SPIDR: variants seen among roughly 807,000 people sequenced by gnomAD.
SPIDR encodes DNA repair-scaffolding protein.
SPIDR carries 93 observed loss-of-function variants against 104.6 expected under a neutral mutation model. The observed-to-expected ratio is 0.89, with a 90% CI of 0.75 to 1.06. The LOEUF is 1.06. Ranked by LOEUF, SPIDR falls within the 50% of genes least tolerant of loss-of-function variation. The pLI is 0.00. For synonymous variants in SPIDR, 431 were observed against 416.9 expected, an observed-to-expected ratio of 1.03 and a Z score of -0.41; for missense variants, 1,154 against 1,111.2, an observed-to-expected ratio of 1.04 and a Z score of -0.55.
chr8:47,527,576 A>T (rs1410399811), intron 8 of SPIDR: 1 of 152,238 alleles, frequency 6.6e-6, no homozygotes, highest in East Asian at 1.9e-4. Flanking sequence ...CACCAGAGAA[A>T]ATTTTAGCTT....
At chr8:47,443,457 G>C (rs1229860638) in intron 8 of SPIDR, among the ~76,000 whole-genome samples, 1 of 151,462 alleles carries the variant, frequency 6.6e-6, no homozygotes, top group Non-Finnish European at 1.5e-5. Context: ...TGTGGTCCCA[G>C]CTACTCGGGA....
intron 11 of SPIDR, among the ~76,000 whole-genome samples, chr8:47,686,332 A>C (rs2077821071): frequency 1.3e-5 from 2 of 152,240 alleles, no homozygotes; most frequent in South Asian, 2.1e-4. Context: ...TCAAATAAAA[A>C]ATCCAAATAT....
chr8:47,519,589 T>C (rs1019185027), intron 8 of SPIDR, among the ~76,000 whole-genome samples: 1 of 152,112 alleles, frequency 6.6e-6, no homozygotes, highest in African/African-American at 2.4e-5. Context: ...TCAGAACTAG[T>C]CTGGGCAATA....
At chr8:47,504,924 G>A (rs1181712354) in intron 8 of SPIDR, among the ~76,000 whole-genome samples, 1 of 152,210 alleles carries the variant, frequency 6.6e-6, no homozygotes, top group Non-Finnish European at 1.5e-5. Context: ...CTGGATATCA[G>A]CAGCAGACGC....
chr8:47,306,027 G>C (rs2154251222), intron 5 of SPIDR, among the ~76,000 whole-genome samples: 1 of 152,286 alleles, frequency 6.6e-6, no homozygotes, highest in East Asian at 1.9e-4. Context: ...CTTTGTGTAT[G>C]ATTTTGACTA....
rs1168001066 is a variant in SPIDR, at chr8:47,589,022, G to GTTTTT, written c.1098-6772_1098-6768dup. 7.0e-3 allele frequency among the ~76,000 whole-genome samples: 624 copies of GTTTTT among 88,640 alleles called. 1 individual carries two copies. The highest frequency in any genetic ancestry group is 9.5e-3 in the Non-Finnish European group (404 of 42,728). The allele number at this position is 88,640 out of a possible 152,430, so 58.2% of individuals were successfully genotyped here. A position where few individuals can be genotyped will look rare whatever the true frequency, so the allele number is the denominator to read the frequency against. Reference sequence around the variant, plus strand: ...ATTGAGGTATATTGGTTTATAGTTTGTTTTTTTTTTTTTTTTTTTTTGTAC... The same window carrying GTTTTT: ...ATTGAGGTATATTGGTTTATAGTTTGTTTTTTTTTTTTTTTTTTTTTTTTTTGTAC... On this transcript the variant is annotated intron_variant, in intron 8 of 19. Transcript: ENST00000297423.
At chr8:47,657,681 G>A (rs1448909993) in intron 10 of SPIDR, among the ~76,000 whole-genome samples, 1 of 151,742 alleles carries the variant, frequency 6.6e-6, no homozygotes, top group Admixed American at 6.6e-5. Flanking sequence ...TTCTCTCTGT[G>A]GTATTTCTTA....
In SPIDR at chr8:47,735,945, G is replaced by A. The variant is rs1424568530; in HGVS notation, c.*495G>A. On this transcript the variant is annotated 3_prime_UTR_variant, in exon 20 of 20. Coordinates refer to ENST00000297423, the MANE Select transcript of SPIDR (RefSeq NM_001080394.4). ...TGCAGTTCACTACTTTTGGGAAAAT[G>A]TTCTAGGGAACTGTATCACAGGTGA... The A allele has an allele frequency of 8.7e-6, 2 of 230,816 alleles. No individual in the cohort carries two copies. Among genetic ancestry groups the A allele is most frequent in the East Asian group, 2.5e-4 (2 of 8,120 alleles). 14.3% of individuals were successfully genotyped at this position (230,816 alleles called of 1,614,324 possible).
chr8:47,588,084 T>C lies in SPIDR; in HGVS notation c.1098-7727T>C, dbSNP rs867716896. Among the ~76,000 whole-genome samples, 678 of 95,236 alleles carry C rather than the reference T, an allele frequency of 7.1e-3. 34 individuals are homozygous for C. Among genetic ancestry groups the C allele is most frequent in the African/African-American group, 0.027 (597 of 21,980 alleles). 62.5% of individuals were successfully genotyped at this position (95,236 alleles called of 152,430 possible). On this transcript the variant is annotated intron_variant, in intron 8 of 19. Coordinates refer to ENST00000297423, the MANE Select transcript of SPIDR (RefSeq NM_001080394.4). ...ATATATATATATATATATATATATA[T>C]ATACACGTATGTATCTGCAAACAAA...
Position 47,291,044 on chromosome 8 carries a change from T to G in SPIDR, c.268T>G (p.Ser90Ala). ...TTTTCCTTCAACAGAAACCACCACA[T>G]CTAAAAGCACCAGTGGGCTTACAGA... Reference protein sequence around the residue: ...CPRPKQETTTSKSTSGLTDIT... With the variant: ...CPRPKQETTTAKSTSGLTDIT... The change falls in exon 4 of 20, where the codon TCT (serine) becomes GCT (alanine). Residue 90 changes from serine to alanine, a missense_variant. Physicochemically the swap from Ser to Ala is moderately conservative, Grantham distance 99. Transcript: ENST00000297423. 6.2e-7 allele frequency: 1 copy of G among 1,610,150 alleles called. No homozygotes were observed. Among genetic ancestry groups the G allele is most frequent in the Non-Finnish European group, 8.5e-7 (1 of 1,177,466 alleles).
At chr8:47,417,153 G>A (rs1383684236) in intron 7 of SPIDR, among the ~76,000 whole-genome samples, 2 of 152,146 alleles carry the variant, frequency 1.3e-5, no homozygotes, top group African/African-American at 4.8e-5. Flanking sequence ...GTAATGGGAT[G>A]GCTGGGTCAA....
chr8:47,315,571 C>A (rs1005623884), intron 5 of SPIDR, among the ~76,000 whole-genome samples: 2 of 152,106 alleles, frequency 1.3e-5, no homozygotes, highest in African/African-American at 4.8e-5. Flanking sequence ...ATAGAAAGGA[C>A]CTATGTTATA....
chr8:47,315,264 A>G (rs2154258017), intron 5 of SPIDR, among the ~76,000 whole-genome samples: 1 of 152,280 alleles, frequency 6.6e-6, no homozygotes, highest in East Asian at 1.9e-4. Flanking sequence ...TAGAGTGTAC[A>G]TTCTATTCAA....
At chr8:47,289,357 TA>T (rs2039477382) in intron 3 of SPIDR, among the ~76,000 whole-genome samples, 16 of 152,186 alleles carry the variant, frequency 1.1e-4, no homozygotes, top group Non-Finnish European at 1.5e-4. Flanking sequence ...CATAGTGTAT[TA>T]AAATGTGCTT....
chr8:47,674,223 G>A (rs182737066), intron 11 of SPIDR, among the ~76,000 whole-genome samples: 2 of 152,256 alleles, frequency 1.3e-5, no homozygotes, highest in East Asian at 1.9e-4. Context: ...TCTGTCTTTT[G>A]TAAGTGTTTT....
intron 8 of SPIDR, among the ~76,000 whole-genome samples, chr8:47,522,980 C>T (rs750379531): frequency 2.4e-4 from 37 of 151,508 alleles, no homozygotes; most frequent in Non-Finnish European, 4.7e-4. Flanking sequence ...TTCTTTCTTT[C>T]TATTTTTTAT....
At chr8:47,394,386 C>T (rs1024789926) in intron 5 of SPIDR, among the ~76,000 whole-genome samples, 2 of 152,192 alleles carry the variant, frequency 1.3e-5, no homozygotes, top group Non-Finnish European at 2.9e-5. Context: ...CATGGTTGCA[C>T]GTGAGTCCCC....
intron 16 of SPIDR, among the ~76,000 whole-genome samples, chr8:47,721,377 T>A (rs530643294): frequency 1.3e-5 from 2 of 152,346 alleles, no homozygotes; most frequent in African/African-American, 4.8e-5. Context: ...AATGTCTTTG[T>A]TCCTTTGTCA....
intron 8 of SPIDR, among the ~76,000 whole-genome samples, chr8:47,503,890 A>G (rs570346819): frequency 1.4e-4 from 22 of 152,306 alleles, no homozygotes; most frequent in Middle Eastern, 3.4e-3. Flanking sequence ...TCCTTCACTC[A>G]TGAAGCTTAG....
Sources: gnomAD v4.1 joint callset for allele counts (sites outside exome capture counted in the v4.1 genomes callset) on GRCh38, gnomAD v4.1.1 for gene constraint, MANE v1.5 for transcripts, NCBI Gene and HGNC (gene_info 2026-07-23, HGNC 2026-07-21) for gene names.